DNHD1: variants seen among roughly 807,000 people sequenced by gnomAD.
DNHD1 encodes the protein dynein heavy chain domain-containing protein 1.
A neutral mutation model predicts 458.1 loss-of-function variants in DNHD1; 383 were observed. That is an observed-to-expected ratio of 0.84 (90% CI 0.77 to 0.91). The LOEUF is 0.91. DNHD1 is among the 40% of genes least tolerant of loss of function. The probability of loss-of-function intolerance (pLI) is 0.00; values close to 1 mark genes in which losing one functional copy is unlikely to be tolerated. For synonymous variants in DNHD1, 2,203 were observed against 2,376.9 expected, an observed-to-expected ratio of 0.93 and a Z score of 2.13; for missense variants, 5,336 against 5,866.1, an observed-to-expected ratio of 0.91 and a Z score of 2.95.
chr11:6,551,505 A>T (rs1190534342), intron 24 of DNHD1, among the ~76,000 whole-genome samples: 1 of 152,248 alleles, frequency 6.6e-6, no homozygotes, highest in African/African-American at 2.4e-5. Flanking sequence ...ACAATGGAGA[A>T]TATCAACAAA....
At position 6,546,682 on chromosome 11, in the gene DNHD1, C is replaced by G. The variant is rs1853226610; in HGVS notation, c.5743C>G (p.Pro1915Ala). 8 of 1,551,720 alleles carry G rather than the reference C, an allele frequency of 5.2e-6. No individual in the cohort carries two copies. Among genetic ancestry groups the G allele is most frequent in the Non-Finnish European group, 7.0e-6 (8 of 1,147,020 alleles). The change falls in exon 21 of 43, where the codon CCA (proline) becomes GCA (alanine). Residue 1915 changes from proline to alanine, a missense_variant. Physicochemically the swap from Pro to Ala is conservative, Grantham distance 27. This residue lies in a region of DNHD1 where 3,932 missense variants were observed against 4,365.6 expected (regional missense o/e 0.90). Transcript: ENST00000254579. ...TGAGGAGGCTGCCCTACTGCGCTCA[C>G]CACTGTTTAGCATTCTCAATGGGCT... ...AIEEAALLRS[P>A]LFSILNGLHL...
intron 39 of DNHD1, among the ~76,000 whole-genome samples, chr11:6,569,432 G>A (rs909636589): frequency 5.9e-5 from 9 of 151,752 alleles, no homozygotes; most frequent in East Asian, 1.9e-4. Context: ...GCAGTGAGCC[G>A]AGATTGCACC....
chr11:6,566,106 A>C, intron 33 of DNHD1, 115 bp downstream of exon 33: 1 of 1,478,068 alleles, frequency 6.8e-7, no homozygotes. Context: ...CCCAGGCACT[A>C]ACTATATTGA....
At position 6,571,118 on chromosome 11, in the gene DNHD1, C is replaced by T; in HGVS notation, c.13606C>T (p.Pro4536Ser). 6.3e-7 allele frequency: 1 copy of T among 1,599,938 alleles called. No individual in the cohort carries two copies. Among genetic ancestry groups the T allele is most frequent in the Non-Finnish European group, 8.5e-7 (1 of 1,174,928 alleles). Residue 4536 changes from proline to serine, a missense_variant, in exon 42 of 43, where the codon CCT becomes TCT. By Grantham distance (74) the Pro-to-Ser change is moderately conservative. Transcript: ENST00000254579. This position sits in a 1 kb window ranked among gnomAD's most constrained non-coding sequence, Gnocchi z 5.0. ...HALWTGRLPL[P>S]WRPHAPAGPQ... Reference sequence around the variant, plus strand: ...TCTCTGGACTGGCCGCCTACCCTTGCCTTGGCGACCTCATGCGCCGGCCGG... The same window carrying T: ...TCTCTGGACTGGCCGCCTACCCTTGTCTTGGCGACCTCATGCGCCGGCCGG...
Position 6,520,292 on chromosome 11 carries a change from A to T in DNHD1, c.1837+3A>T, listed in dbSNP as rs1447293565. On this transcript the variant is annotated splice_donor_region_variant and intron_variant, in intron 10 of 42. Coordinates refer to ENST00000254579, the MANE Select transcript of DNHD1 (RefSeq NM_144666.3). ...CTCGGATTCCCTGTATTCTGAAGGT[A>T]TTTAGGGAGACCTAGGCAGGGGGTA... is the stretch of plus-strand genomic sequence containing the variant. 1.3e-6 allele frequency: 2 copies of T among 1,551,670 alleles called. No homozygotes were observed. The highest frequency in any genetic ancestry group is 1.4e-5 in the African/African-American group (1 of 73,046).
chr11:6,546,273 C>A lies in DNHD1; in HGVS notation c.5334C>A (p.Asp1778Glu), dbSNP rs1192651610. Residue 1778 changes from aspartate to glutamate, a missense_variant, in exon 21 of 43, where the codon GAC becomes GAA. Transcript: ENST00000254579. ...CTTCCCGAAACACAAGCACCATAGA[C>A]CCCACCCAGCCCCAGCTCCTTGGCA... ...QEASRNTSTIDPTQPQLLGSS... is the reference protein window; with the variant it reads ...QEASRNTSTIEPTQPQLLGSS... 1 of 1,552,376 alleles carries A rather than the reference C, an allele frequency of 6.4e-7. No individual in the cohort carries two copies. Among genetic ancestry groups the A allele is most frequent in the Non-Finnish European group, 8.7e-7 (1 of 1,147,146 alleles).
chr11:6,564,804 G>C lies in DNHD1; in HGVS notation c.10756G>C (p.Gly3586Arg). The change falls in exon 32 of 43, where the codon GGG (glycine) becomes CGG (arginine). Residue 3586 changes from glycine to arginine, a missense_variant and splice_region_variant. Gly to Arg is a moderately radical substitution (Grantham distance 125). This residue lies in a region of DNHD1 where 695 missense variants were observed against 804.2 expected (regional missense o/e 0.86). Coordinates refer to ENST00000254579, the MANE Select transcript of DNHD1 (RefSeq NM_144666.3). ...TGCGCCAGCCCTCACTGAGGGTAGA[G>C]GTAAGCAGGCATAATAAATGCAATG... is the stretch of plus-strand genomic sequence containing the variant. The part of the protein sequence containing the change: ...SFAPALTEGR[G>R]KGLMRNQKRE... The C allele has an allele frequency of 6.6e-7, 1 of 1,510,248 alleles. No individual in the cohort carries two copies. Among genetic ancestry groups the C allele is most frequent in the Non-Finnish European group, 8.9e-7 (1 of 1,122,368 alleles). The allele number at this position is 1,510,248 out of a possible 1,614,324, so 93.6% of individuals were successfully genotyped here. A position where few individuals can be genotyped will look rare whatever the true frequency, so the allele number is the denominator to read the frequency against.
At position 6,548,560 on chromosome 11, in the gene DNHD1, G is replaced by A; in HGVS notation, c.7099-85G>A. The A allele has an allele frequency of 6.6e-7, 1 of 1,508,204 alleles. No homozygotes were observed. The highest frequency in any genetic ancestry group is 9.0e-7 in the Non-Finnish European group (1 of 1,116,202). The allele number at this position is 1,508,204 out of a possible 1,614,324, so 93.4% of individuals were successfully genotyped here. ...GAAATATTTTCCAAGTACAGCTCTA[G>A]GACAAGTCCCTTAGACTTTTATTTT... On this transcript the variant is annotated intron_variant, in intron 23 of 42. Coordinates refer to ENST00000254579, the MANE Select transcript of DNHD1 (RefSeq NM_144666.3). This position sits in a 1 kb window ranked among gnomAD's most constrained non-coding sequence, Gnocchi z 4.4.
In DNHD1 at chr11:6,571,977, C is replaced by G; in HGVS notation, c.14253C>G (p.Pro4751=). 6.2e-7 allele frequency: 1 copy of G among 1,603,084 alleles called. No individual in the cohort carries two copies. Among genetic ancestry groups the G allele is most frequent in the Admixed American group, 1.7e-5 (1 of 59,520 alleles). The stretch of plus-strand genomic sequence containing the variant: ...GGAGGGTCCATGTGTGCAGCCCACC[C>G]CTGTCTTGAGCCCGTCTACCAAAAT... ...VQRRVHVCSP[P]LS Residue 4751 remains proline (P), a synonymous_variant, in exon 43 of 43, where the codon CCC becomes CCG. Coordinates refer to ENST00000254579, the MANE Select transcript of DNHD1 (RefSeq NM_144666.3). The surrounding 1 kb of genome is among the most constrained non-coding windows in gnomAD (Gnocchi z 5.0).
chr11:6,563,160 C>T, intron 29 of DNHD1, 29 bp downstream of exon 29: 1 of 1,551,630 alleles, frequency 6.4e-7, no homozygotes, highest in Non-Finnish European at 8.7e-7. Context: ...CTGCCCTGCA[C>T]TGCTCCTCTC....
chr11:6,529,153 C>T, intron 12 of DNHD1, 32 bp downstream of exon 12: 1 of 1,548,194 alleles, frequency 6.5e-7, no homozygotes, highest in South Asian at 1.2e-5. Flanking sequence ...TCTCCTCCTT[C>T]CCTTTTCTGT....
At chr11:6,514,585 CTTCT>C (rs1221015460) in intron 7 of DNHD1, among the ~76,000 whole-genome samples, 6 of 149,702 alleles carry the variant, frequency 4.0e-5, no homozygotes, top group South Asian at 2.1e-4. Context: ...TCCTTCCTTC[CTTCT>C]GTGATTTTGT....
chr11:6,534,155 G>A lies in DNHD1; in HGVS notation c.2980G>A (p.Ala994Thr), dbSNP rs538113910. 74 of 1,551,026 alleles carry A rather than the reference G, an allele frequency of 4.8e-5. No individual in the cohort carries two copies. Among genetic ancestry groups the A allele is most frequent in the South Asian group, 3.0e-4 (25 of 84,032 alleles). Residue 994 changes from alanine to threonine, a missense_variant, in exon 14 of 43, where the codon GCC becomes ACC. Transcript: ENST00000254579. The stretch of plus-strand genomic sequence containing the variant: ...CAGCGACCTCAGTGAACTGCACCAC[G>A]CCTATGCCATCTTCACTGGTACTGA... ...TVSDLSELHH[A>T]YAIFTEDETP...
In DNHD1 at chr11:6,545,193, G is replaced by A; in HGVS notation, c.4254G>A (p.Gln1418=). ...AGTCAAGCCCAAACACACAGACTCA[G>A]GTGGAGGCACTTGCAGTGCTAGGGG... ...DWESSPNTQT[Q]VEALAVLGAG... The change falls in exon 21 of 43, where the codon CAG becomes CAA. Residue 1418 remains glutamine (Q), a synonymous_variant. Transcript: ENST00000254579. The surrounding 1 kb of genome is among the most constrained non-coding windows in gnomAD (Gnocchi z 4.9). 1 of 1,551,986 alleles carries A rather than the reference G, an allele frequency of 6.4e-7. No homozygotes were observed. The highest frequency in any genetic ancestry group is 8.7e-7 in the Non-Finnish European group (1 of 1,147,062).
intron 14 of DNHD1, among the ~76,000 whole-genome samples, chr11:6,535,687 T>G (rs1232232325): frequency 6.6e-6 from 1 of 152,048 alleles, no homozygotes; most frequent in Non-Finnish European, 1.5e-5. Flanking sequence ...AAATAGATAA[T>G]GAGAGAGAAA....
In DNHD1 at chr11:6,565,796, G is replaced by C; in HGVS notation, c.10858G>C (p.Glu3620Gln). 1 of 1,551,664 alleles carries C rather than the reference G, an allele frequency of 6.4e-7. No individual in the cohort carries two copies. The highest frequency in any genetic ancestry group is 8.7e-7 in the Non-Finnish European group (1 of 1,146,984). ...ESNEAEDQTK[E>Q]QKAEERKNEQ... is the part of the protein sequence containing the mutation. ...TAATGAGGCTGAGGACCAGACAAAA[G>C]AGCAGAAGGCAGAGGAAAGAAAAAA... The change falls in exon 33 of 43, where the codon GAG (glutamate) becomes CAG (glutamine). Residue 3620 changes from glutamate (E) to glutamine (Q), a missense_variant. Transcript: ENST00000254579.
At position 6,566,369 on chromosome 11, in the gene DNHD1, C is replaced by T. The variant is rs915648502; in HGVS notation, c.11182C>T (p.Leu3728Phe). The change falls in exon 34 of 43, where the codon CTC becomes TTC. Residue 3728 changes from leucine to phenylalanine, a missense_variant. Physicochemically the swap from Leu to Phe is conservative, Grantham distance 22. Around this residue, in one of 4 missense-constraint regions of DNHD1, gnomAD observed 695 missense variants for 804.2 expected, o/e 0.86. Transcript: ENST00000254579. ...PGFCLYLSTT[L>F]SLCAMEKVLG... is the part of the protein sequence containing the mutation. ...CTTCTGTCTGTATCTCAGCACCACC[C>T]TCTCCCTCTGTGCCATGGAAAAAGG... 11 of 1,558,172 alleles carry T rather than the reference C, an allele frequency of 7.1e-6. No homozygotes were observed. In the African/African-American group the frequency reaches 1.5e-4, roughly 21 times the overall value.
intron 7 of DNHD1, 149 bp downstream of exon 7, chr11:6,511,578 A>T: frequency 9.9e-7 from 1 of 1,007,706 alleles, no homozygotes; most frequent in Non-Finnish European, 1.4e-6. Flanking sequence ...CAGCAACAGC[A>T]GTTTCTGCTC....
At chr11:6,555,459 C>T (rs527693815) in intron 24 of DNHD1, among the ~76,000 whole-genome samples, 1 of 152,314 alleles carries the variant, frequency 6.6e-6, no homozygotes, top group African/African-American at 2.4e-5. Context: ...AGGCATTAGG[C>T]TGTCCATCAG....
Sources: gnomAD v4.1 joint callset for allele counts (sites outside exome capture counted in the v4.1 genomes callset) on GRCh38, gnomAD v4.1.1 for gene constraint, gnomAD v4.1.1 regional missense constraint, Gnocchi (gnomAD v3.1) non-coding constraint, MANE v1.5 for transcripts, NCBI Gene and HGNC (gene_info 2026-07-23, HGNC 2026-07-21) for gene names.